Variants in RUSC1 observed in about 807,000 individuals in gnomAD.
RUSC1 encodes the protein AP-4 complex accessory subunit RUSC1.
In RUSC1, 40 loss-of-function variants were observed where a neutral mutation model predicts 72.1. That is an observed-to-expected ratio of 0.55 (90% CI 0.43 to 0.72). The LOEUF (loss-of-function observed/expected upper bound fraction) is 0.72. Ranked by LOEUF, RUSC1 falls within the 30% of genes least tolerant of loss-of-function variation. RUSC1 has a pLI of 0.00. For synonymous variants in RUSC1, 512 were observed against 494.2 expected (o/e 1.04, Z -0.48); for missense variants, 1,092 against 1,172.3 (o/e 0.93, Z 1.00).
At position 155,322,352 on chromosome 1, in the gene RUSC1, C is replaced by T. The variant is rs1258893600; in HGVS notation, c.579C>T (p.Ser193=). 1 of 1,613,234 alleles carries T rather than the reference C, an allele frequency of 6.2e-7. No homozygotes were observed. The highest frequency in any genetic ancestry group is 1.1e-5 in the South Asian group (1 of 91,076). ...TGACCACCTGCCAGGACGTCCCTTC[C>T]CCAGGCTTGGAGGAAGAGGACGAGA... The part of the protein sequence containing the change: ...NALTTCQDVP[S]PGLEEEDERA... Residue 193 remains serine (S), a synonymous_variant, in exon 2 of 10, where the codon TCC becomes TCT. Transcript: ENST00000368352.
chr1:155,325,349 G>A lies in RUSC1; in HGVS notation c.1567G>A (p.Val523Met). Residue 523 changes from valine (V) to methionine (M), a missense_variant, in exon 5 of 10, where the codon GTG becomes ATG. Coordinates refer to ENST00000368352, the MANE Select transcript of RUSC1 (RefSeq NM_001105203.2). This position sits in a 1 kb window ranked among gnomAD's most constrained non-coding sequence, Gnocchi z 6.5. ...QLGDSRLSPD[V>M]GHLVLTTLCP... ...GGGTGATAGCCGGCTGAGCCCGGAT[G>A]TGGGGCACCTGGTGCTGACCACCCT... The A allele has an allele frequency of 6.3e-7, 1 of 1,599,770 alleles. No homozygotes were observed. The highest frequency in any genetic ancestry group is 8.5e-7 in the Non-Finnish European group (1 of 1,177,448).
intron 1 of RUSC1, 122 bp from the exon 2 acceptor site, chr1:155,321,566 C>A: frequency 7.6e-7 from 1 of 1,309,448 alleles, no homozygotes; most frequent in South Asian, 1.3e-5. Context: ...ATTTGCATCT[C>A]ATTGAAATAT....
rs1315104587 is a variant in RUSC1 at position 155,325,603 on chromosome 1, A to G, written c.1745A>G (p.Gln582Arg). ...STRSLGTLYS[Q>R]VSRLAPLSSS... is the part of the protein sequence containing the mutation. ...CGCTCCCTTGGAACCCTGTATAGCC[A>G]GGTCAGCCGTCTAGCCCCGCTGAGC... is the stretch of plus-strand genomic sequence containing the variant. The change falls in exon 6 of 10, where the codon CAG (glutamine) becomes CGG (arginine). Residue 582 changes from glutamine (Q) to arginine (R), a missense_variant. Coordinates refer to ENST00000368352, the MANE Select transcript of RUSC1 (RefSeq NM_001105203.2). This position sits in a 1 kb window ranked among gnomAD's most constrained non-coding sequence, Gnocchi z 6.5. 1.9e-6 allele frequency: 3 copies of G among 1,612,500 alleles called. No individual in the cohort carries two copies. In the South Asian group the frequency reaches 3.3e-5, roughly 18 times the overall value.
Position 155,326,276 on chromosome 1 carries a change from G to C in RUSC1, c.1862-304G>C, listed in dbSNP as rs977510364. On this transcript the variant is annotated intron_variant, in intron 7 of 9. Transcript: ENST00000368352. This position sits in a 1 kb window ranked among gnomAD's most constrained non-coding sequence, Gnocchi z 4.7. ...CCAGTGAGGCCCTACCTCTACCCTC[G>C]GACTAGGCCAACCCCCACGCCTCAT... 2 of 541,006 alleles carry C rather than the reference G, an allele frequency of 3.7e-6. No individual in the cohort carries two copies. Among genetic ancestry groups the C allele is most frequent in the African/African-American group, 1.9e-5 (1 of 52,860 alleles). The allele number at this position is 541,006 out of a possible 1,614,324, so 33.5% of individuals were successfully genotyped here. A position where few individuals can be genotyped will look rare whatever the true frequency, so the allele number is the denominator to read the frequency against.
chr1:155,325,629 A>T lies in RUSC1; in HGVS notation c.1771A>T (p.Ser591Cys). 1 of 1,613,344 alleles carries T rather than the reference A, an allele frequency of 6.2e-7. No individual in the cohort carries two copies. The change falls in exon 6 of 10, where the codon AGC becomes TGC. Residue 591 changes from serine to cysteine, a missense_variant. Transcript: ENST00000368352. The surrounding 1 kb of genome is among the most constrained non-coding windows in gnomAD (Gnocchi z 6.5). ...GGTCAGCCGTCTAGCCCCGCTGAGC[A>T]GCAGCCGTAGCCGCTTCCATGCCTT... ...SQVSRLAPLSSSRSRFHAFIL... is the reference protein window; with the variant it reads ...SQVSRLAPLSCSRSRFHAFIL...
At chr1:155,321,462 C>G (rs72704152) in intron 1 of RUSC1, 1 of 1,450,694 alleles carries the variant, frequency 6.9e-7, no homozygotes, top group Non-Finnish European at 9.3e-7. Context: ...AGAGCGCAGC[C>G]GCGTTCTCTG....
In RUSC1 at chr1:155,320,923, GC is replaced by G; in HGVS notation, c.-151del. On this transcript the variant is annotated 5_prime_UTR_variant, in exon 1 of 10. Coordinates refer to ENST00000368352, the MANE Select transcript of RUSC1 (RefSeq NM_001105203.2). ...TAGTGCCCCTCCCCTCCCGCTCTGT[GC>G]CCCGCCGGGCGGGGACCGTGGGAGC... 6.3e-7 allele frequency: 1 copy of G among 1,582,002 alleles called. No individual in the cohort carries two copies. The highest frequency in any genetic ancestry group is 1.8e-5 in the Admixed American group (1 of 54,366).
At position 155,323,195 on chromosome 1, in the gene RUSC1, ACCCGGCC is replaced by A; in HGVS notation, c.1357+69_1357+75del. The stretch of plus-strand genomic sequence containing the variant: ...GCCGCTCACGCCTCCTAGGCTTCCA[ACCCGGCC>A]CCCTGTCTTCCCTCCATTCTGTGTC... On this transcript the variant is annotated intron_variant, in intron 2 of 9. Coordinates refer to ENST00000368352, the MANE Select transcript of RUSC1 (RefSeq NM_001105203.2). 3.7e-6 allele frequency: 5 copies of A among 1,365,336 alleles called. No homozygotes were observed. The South Asian group carries it at 7.1e-5, about 19-fold the overall frequency. 84.6% of individuals were successfully genotyped at this position (1,365,336 alleles called of 1,614,324 possible).
intron 2 of RUSC1, chr1:155,324,450 G>A (rs775043708): frequency 4.7e-5 from 75 of 1,612,444 alleles, no homozygotes; most frequent in South Asian, 1.1e-4. Context: ...GGCTCCGCAG[G>A]CAGGACTGGG....
In RUSC1 at chr1:155,326,737, G is replaced by C. The variant is rs1455078083; in HGVS notation, c.2019G>C (p.Leu673=). The change falls in exon 8 of 10, where the codon CTG becomes CTC. Residue 673 remains leucine, a synonymous_variant. Coordinates refer to ENST00000368352, the MANE Select transcript of RUSC1 (RefSeq NM_001105203.2). The surrounding 1 kb of genome is among the most constrained non-coding windows in gnomAD (Gnocchi z 4.7). ...TTGAGCACCACCACCACCTGCCCCTGGGCCCACCTCAGGCCCCTGCCCCTC... is the reference window on the plus strand; with the variant it reads ...TTGAGCACCACCACCACCTGCCCCTCGGCCCACCTCAGGCCCCTGCCCCTC... The part of the protein sequence containing the change: ...LLFEHHHHLP[L]GPPQAPAPPG... The C allele has an allele frequency of 1.2e-6, 2 of 1,613,122 alleles. No individual in the cohort carries two copies. Among genetic ancestry groups the C allele is most frequent in the African/African-American group, 2.7e-5 (2 of 74,930 alleles).
At chr1:155,329,688 G>A (rs1651804851) in intron 9 of RUSC1, among the ~76,000 whole-genome samples, 1 of 151,850 alleles carries the variant, frequency 6.6e-6, no homozygotes, top group Non-Finnish European at 1.5e-5. Context: ...CACCACGCCT[G>A]GCCTAAACAT....
intron 1 of RUSC1, chr1:155,321,226 T>C (rs759316724): frequency 6.6e-6 from 9 of 1,358,560 alleles, no homozygotes; most frequent in Middle Eastern, 2.1e-4. Context: ...TCCATCCTTT[T>C]CCTCTCCAGC....
rs1159992792 is a variant in RUSC1, at chr1:155,322,006, G to A, written c.233G>A (p.Gly78Asp). The change falls in exon 2 of 10, where the codon GGT (glycine) becomes GAT (aspartate). Residue 78 changes from glycine (G) to aspartate (D), a missense_variant. Transcript: ENST00000368352. ...CCCTGCCGGTGCTGCCAGGAGCACG[G>A]TCCGGGCCTAGAAAACCGGCAGGAC... is the stretch of plus-strand genomic sequence containing the variant. ...AVPCRCCQEH[G>D]PGLENRQDPS... The A allele has an allele frequency of 1.2e-6, 2 of 1,606,086 alleles. No homozygotes were observed. The highest frequency in any genetic ancestry group is 1.7e-6 in the Non-Finnish European group (2 of 1,175,636).
chr1:155,330,864 C>G lies in RUSC1; in HGVS notation c.*293C>G. Reference sequence around the variant, plus strand: ...TCCTATCTATCTGCAAAATGGAAATCTAGACCTCCTTCTTCATCCATAAGT... The same window carrying G: ...TCCTATCTATCTGCAAAATGGAAATGTAGACCTCCTTCTTCATCCATAAGT... On this transcript the variant is annotated 3_prime_UTR_variant, in exon 10 of 10. Transcript: ENST00000368352. The G allele has an allele frequency of 3.6e-6, 1 of 278,230 alleles. No homozygotes were observed. The highest frequency in any genetic ancestry group is 6.9e-6 in the Non-Finnish European group (1 of 145,892). The allele number at this position is 278,230 out of a possible 1,614,324, so 17.2% of individuals were successfully genotyped here.
At chr1:155,323,766 G>A in intron 2 of RUSC1, 1 of 117,898 alleles carries the variant, frequency 8.5e-6, no homozygotes, top group Non-Finnish European at 1.3e-5. Flanking sequence ...CTCGTCCGCC[G>A]AAGGCCCCTC....
At position 155,325,405 on chromosome 1, in the gene RUSC1, C is replaced by T. The variant is rs745976568; in HGVS notation, c.1623C>T (p.Asp541=). The change falls in exon 5 of 10, where the codon GAC becomes GAT. Residue 541 remains aspartate, a synonymous_variant. Transcript: ENST00000368352. The surrounding 1 kb of genome is among the most constrained non-coding windows in gnomAD (Gnocchi z 6.5). ...LCPALHALVA[D]GLKPFRKDLI... is the part of the protein sequence containing the mutation. Reference sequence around the variant, plus strand: ...CGGCCCTCCACGCCCTGGTGGCGGACGGGCTGAAGCCTTTCCGGAAGGACC... The same window carrying T: ...CGGCCCTCCACGCCCTGGTGGCGGATGGGCTGAAGCCTTTCCGGAAGGACC... 2.5e-6 allele frequency: 4 copies of T among 1,591,482 alleles called. No individual in the cohort carries two copies. Among genetic ancestry groups the T allele is most frequent in the East Asian group, 2.3e-5 (1 of 44,096 alleles).
chr1:155,329,295 A>G (rs1399989074), intron 9 of RUSC1, among the ~76,000 whole-genome samples: 1 of 149,956 alleles, frequency 6.7e-6, no homozygotes, highest in Admixed American at 6.7e-5. Context: ...CATGTTGGCC[A>G]GGCTGGTCTT....
Position 155,325,416 on chromosome 1 carries a change from CT to C in RUSC1, c.1637del (p.Phe546SerfsTer22). ...LHALVADGLK[P>X]FRKDLITGQR... ...GCCCTGGTGGCGGACGGGCTGAAGCCTTTCCGGAAGGACCTCATCACCGGGC... is the reference window on the plus strand; with the variant it reads ...GCCCTGGTGGCGGACGGGCTGAAGCCTTCCGGAAGGACCTCATCACCGGGC... On this transcript the variant is annotated frameshift_variant, in exon 5 of 10. Coordinates refer to ENST00000368352, the MANE Select transcript of RUSC1 (RefSeq NM_001105203.2). LOFTEE classifies it high-confidence loss of function. This position sits in a 1 kb window ranked among gnomAD's most constrained non-coding sequence, Gnocchi z 6.5. 6.3e-7 allele frequency: 1 copy of C among 1,592,434 alleles called. No homozygotes were observed. Among genetic ancestry groups the C allele is most frequent in the Non-Finnish European group, 8.5e-7 (1 of 1,173,654 alleles).
At chr1:155,328,578 C>T (rs2148285982) in intron 9 of RUSC1, among the ~76,000 whole-genome samples, 1 of 151,696 alleles carries the variant, frequency 6.6e-6, no homozygotes, top group East Asian at 1.9e-4. Flanking sequence ...TACAGGTGCC[C>T]ACCACCATGC....
Sources: gnomAD v4.1 joint callset for allele counts (sites outside exome capture counted in the v4.1 genomes callset) on GRCh38, gnomAD v4.1.1 for gene constraint, Gnocchi (gnomAD v3.1) non-coding constraint, MANE v1.5 for transcripts, NCBI Gene and HGNC (gene_info 2026-07-23, HGNC 2026-07-21) for gene names.